KIF26B: variants seen among roughly 807,000 people sequenced by gnomAD.
KIF26B encodes kinesin family member 26B.
Under a neutral mutation model 151.2 loss-of-function variants are expected in KIF26B, and 63 were observed. That is an observed-to-expected ratio of 0.42 (90% CI 0.34 to 0.51). The LOEUF (loss-of-function observed/expected upper bound fraction) is 0.51, where lower values mean the gene tolerates loss of function less well. Ranked by LOEUF, KIF26B falls within the 20% of genes least tolerant of loss-of-function variation. KIF26B has a pLI of 0.07. For synonymous variants in KIF26B, 1,357 were observed against 1,262.1 expected (o/e 1.08, Z -1.59); for missense variants, 2,813 against 2,913.6 (o/e 0.97, Z 0.79).
In KIF26B at chr1:245,707,106, C is replaced by T. The variant is rs1260149500; in HGVS notation, c.*4500C>T. The T allele has an allele frequency of 3.3e-5, 5 of 152,154 alleles. No homozygotes were observed. Among genetic ancestry groups the T allele is most frequent in the African/African-American group, 1.2e-4 (5 of 41,434 alleles). 9.4% of individuals were successfully genotyped at this position (152,154 alleles called of 1,614,324 possible). A position where few individuals can be genotyped will look rare whatever the true frequency, so the allele number is the denominator to read the frequency against. On this transcript the variant is annotated 3_prime_UTR_variant, in exon 15 of 15. Coordinates refer to ENST00000407071, the MANE Select transcript of KIF26B (RefSeq NM_018012.4). ...GGGAGAAGATACTGTCATTTAAGCT[C>T]ATCTTCTCAAAAAAATTTTTTCTGA...
intron 4 of KIF26B, among the ~76,000 whole-genome samples, chr1:245,490,153 A>G (rs1165956095): frequency 1.3e-5 from 2 of 152,126 alleles, no homozygotes; most frequent in African/African-American, 2.4e-5. Context: ...TTGGCAGGAA[A>G]TAGTGTTGGG....
At position 245,564,262 on chromosome 1, in the gene KIF26B, G is replaced by GT. The variant is rs1381089042; in HGVS notation, c.1350+23313dup. Among the ~76,000 whole-genome samples the GT allele has an allele frequency of 6.6e-6, 1 of 152,108 alleles. No individual in the cohort carries two copies. The highest frequency in any genetic ancestry group is 1.5e-5 in the Non-Finnish European group (1 of 68,016). ...CCCCCCATTTTCTGCGATACACACTGTCACTTTCCCTGGGAACAGATTCGA... is the reference window on the plus strand; with the variant it reads ...CCCCCCATTTTCTGCGATACACACTGTTCACTTTCCCTGGGAACAGATTCGA... On this transcript the variant is annotated intron_variant, in intron 5 of 14. Transcript: ENST00000407071. The surrounding 1 kb of genome is among the most constrained non-coding windows in gnomAD (Gnocchi z 4.6).
At chr1:245,513,034 G>A (rs929409180) in intron 4 of KIF26B, among the ~76,000 whole-genome samples, 5 of 152,150 alleles carry the variant, frequency 3.3e-5, no homozygotes, top group African/African-American at 1.2e-4. Flanking sequence ...CATGCCCCTG[G>A]ATTTTGAGCA....
chr1:245,678,265 G>A (rs1162638448), intron 10 of KIF26B, among the ~76,000 whole-genome samples: 5 of 152,026 alleles, frequency 3.3e-5, no homozygotes, highest in Non-Finnish European at 4.4e-5. Context: ...GCAGGGCCCT[G>A]GGGTTTGGGG....
chr1:245,442,820 G>T (rs111408688), intron 4 of KIF26B, among the ~76,000 whole-genome samples: 8 of 71,524 alleles, frequency 1.1e-4, no homozygotes, highest in Admixed American at 1.6e-4. Flanking sequence ...CACCTACAGC[G>T]GTCATCTCCC....
chr1:245,565,646 C>G (rs963843653), intron 5 of KIF26B, among the ~76,000 whole-genome samples: 1 of 152,138 alleles, frequency 6.6e-6, no homozygotes, highest in Admixed American at 6.6e-5. Context: ...AGTTCTTCTT[C>G]AGGTCGAGAT....
intron 12 of KIF26B, among the ~76,000 whole-genome samples, chr1:245,694,252 C>G (rs2044661257): frequency 6.6e-6 from 1 of 152,238 alleles, no homozygotes; most frequent in Non-Finnish European, 1.5e-5. Context: ...TGGCCCCTTC[C>G]TGGTCAACAA....
At chr1:245,301,412 G>A (rs1333572114) in intron 2 of KIF26B, among the ~76,000 whole-genome samples, 1 of 152,192 alleles carries the variant, frequency 6.6e-6, no homozygotes, top group African/African-American at 2.4e-5. Context: ...CAAAAGCAGG[G>A]CTTTCTGTTT....
chr1:245,200,358 A>G (rs974559728), intron 2 of KIF26B, among the ~76,000 whole-genome samples: 2 of 152,212 alleles, frequency 1.3e-5, no homozygotes, highest in Non-Finnish European at 2.9e-5. Flanking sequence ...CCGAGACAAA[A>G]TATTTAAATC....
chr1:245,483,089 G>A (rs1324127595), intron 4 of KIF26B, among the ~76,000 whole-genome samples: 1 of 151,732 alleles, frequency 6.6e-6, no homozygotes, highest in African/African-American at 2.4e-5. Context: ...GCCGGACAAA[G>A]CTCTGGGTCG....
At chr1:245,634,916 A>G (rs1167702646) in intron 9 of KIF26B, among the ~76,000 whole-genome samples, 3 of 151,984 alleles carry the variant, frequency 2.0e-5, no homozygotes, top group Non-Finnish European at 4.4e-5. Flanking sequence ...AGGTCTTGCT[A>G]TGTTGCCCTG....
At chr1:245,378,430 G>C (rs1254569642) in intron 3 of KIF26B, among the ~76,000 whole-genome samples, 1 of 152,156 alleles carries the variant, frequency 6.6e-6, no homozygotes, top group Non-Finnish European at 1.5e-5. Flanking sequence ...TGGGGGCAGA[G>C]CTGAGCATCC....
At chr1:245,643,812 C>T (rs967513563) in intron 9 of KIF26B, among the ~76,000 whole-genome samples, 1 of 152,174 alleles carries the variant, frequency 6.6e-6, no homozygotes, top group Non-Finnish European at 1.5e-5. Context: ...ACTTTAAAAA[C>T]ATTGCTCCAC....
chr1:245,374,161 A>G (rs1673217221), intron 3 of KIF26B, among the ~76,000 whole-genome samples: 1 of 127,852 alleles, frequency 7.8e-6, no homozygotes, highest in Non-Finnish European at 1.6e-5. Context: ...ATGTAAAAGC[A>G]ACACCAACCT....
intron 10 of KIF26B, among the ~76,000 whole-genome samples, chr1:245,648,400 G>T (rs146784950): frequency 4.3e-4 from 65 of 152,140 alleles, no homozygotes; most frequent in African/African-American, 1.3e-3. Context: ...TATATTCCTG[G>T]CACTTTGGGA....
At position 245,189,880 on chromosome 1, in the gene KIF26B, T is replaced by A. The variant is rs188140596; in HGVS notation, c.465+33197T>A. Reference sequence around the variant, plus strand: ...TCACAATCATGGTGGAAGGTGAAAGTCACGTCTTACATGGTGGCAGACAAG... The same window carrying A: ...TCACAATCATGGTGGAAGGTGAAAGACACGTCTTACATGGTGGCAGACAAG... On this transcript the variant is annotated intron_variant, in intron 2 of 14. Coordinates refer to ENST00000407071, the MANE Select transcript of KIF26B (RefSeq NM_018012.4). 5.1e-3 allele frequency among the ~76,000 whole-genome samples: 775 copies of A among 152,268 alleles called. 8 individuals are homozygous for A. The highest frequency in any genetic ancestry group is 8.5e-3 in the Non-Finnish European group (579 of 68,024).
intron 4 of KIF26B, among the ~76,000 whole-genome samples, chr1:245,499,417 A>G (rs903481047): frequency 1.3e-5 from 2 of 152,240 alleles, no homozygotes; most frequent in Admixed American, 6.5e-5. Context: ...GCAAAGCCGA[A>G]TAAGGGTGGA....
At chr1:245,485,524 C>T (rs1028008787) in intron 4 of KIF26B, among the ~76,000 whole-genome samples, 1 of 152,002 alleles carries the variant, frequency 6.6e-6, no homozygotes, top group African/African-American at 2.4e-5. Flanking sequence ...CCTGGGATTA[C>T]AGGCGCCTGC....
intron 3 of KIF26B, among the ~76,000 whole-genome samples, chr1:245,396,583 C>T (rs1290669562): frequency 2.0e-5 from 3 of 151,570 alleles, no homozygotes; most frequent in Non-Finnish European, 4.4e-5. Context: ...TTGCAGTGAG[C>T]TGAGATGGCG....
Sources: allele counts gnomAD v4.1 joint callset (sites outside exome capture counted in the v4.1 genomes callset), GRCh38; gene constraint gnomAD v4.1.1; non-coding constraint Gnocchi (gnomAD v3.1); transcripts MANE v1.5; gene names NCBI Gene and HGNC (gene_info 2026-07-23, HGNC 2026-07-21).